The following FBXW11 variants were observed in gnomAD, a reference collection of about 807,000 sequenced individuals.
FBXW11 encodes F-box and WD repeat domain containing 11.
FBXW11 carries 19 observed loss-of-function variants against 77.6 expected under a neutral mutation model. The ratio of observed to expected loss-of-function variants is 0.24; its 90% CI spans 0.17 to 0.36. The LOEUF is 0.36. Among genes scored for constraint, FBXW11 ranks in the 10% least tolerant of loss-of-function variants. The pLI is 1.00. For synonymous variants in FBXW11, 235 were observed against 249.4 expected, an observed-to-expected ratio of 0.94 and a Z score of 0.54; for missense variants, 334 against 704.2, an observed-to-expected ratio of 0.47 and a Z score of 5.95.
In FBXW11 at chr5:171,947,962, A is replaced by T. The variant is rs1763101642; in HGVS notation, c.147+9635T>A. Among the ~76,000 whole-genome samples the T allele has an allele frequency of 2.0e-5, 3 of 152,144 alleles. No individual in the cohort carries two copies. The South Asian group carries it at 6.2e-4, about 32-fold the overall frequency. ...TTAAAAATAAAAATGTAGGCCAGGC[A>T]TGGTGGCTCACACCTATAATCCCAG... On this transcript the variant is annotated intron_variant, in intron 2 of 13. Coordinates refer to ENST00000517395, the MANE Select transcript of FBXW11 (RefSeq NM_001378974.1).
chr5:171,986,480 A>C (rs1316472476), intron 1 of FBXW11, among the ~76,000 whole-genome samples: 2 of 150,966 alleles, frequency 1.3e-5, no homozygotes, highest in Non-Finnish European at 2.9e-5. Flanking sequence ...TAATCCCAAC[A>C]CTTTGGGAGG....
chr5:171,864,963 C>CA (rs1281081433), intron 13 of FBXW11, among the ~76,000 whole-genome samples: 893 of 66,036 alleles, frequency 0.014, 8 homozygotes, highest in East Asian at 0.063. Context: ...CCTTAGGTGG[C>CA]AAAAAAAAAA....
At chr5:171,975,554 A>G (rs1764783917) in intron 1 of FBXW11, among the ~76,000 whole-genome samples, 1 of 152,214 alleles carries the variant, frequency 6.6e-6, no homozygotes, top group Non-Finnish European at 1.5e-5. Context: ...GTAAAAATGA[A>G]TAAGTAAAAT....
At chr5:171,981,998 C>T (rs942474863) in intron 1 of FBXW11, among the ~76,000 whole-genome samples, 4 of 151,950 alleles carry the variant, frequency 2.6e-5, no homozygotes, top group African/African-American at 9.7e-5. Flanking sequence ...TTATAGAAGG[C>T]AGGTTATTTA....
At chr5:171,964,149 A>G (rs750330448) in intron 1 of FBXW11, among the ~76,000 whole-genome samples, 2 of 152,222 alleles carry the variant, frequency 1.3e-5, no homozygotes, top group Non-Finnish European at 2.9e-5. Context: ...AAACAATGCA[A>G]TTTCTTTCAG....
intron 2 of FBXW11, among the ~76,000 whole-genome samples, chr5:171,916,097 G>T (rs1305280637): frequency 2.0e-5 from 3 of 151,684 alleles, no homozygotes; most frequent in African/African-American, 4.9e-5. Context: ...TCGTGGGGTG[G>T]GGGGAGGTGG....
At chr5:171,895,049 T>A (rs1220303627) in intron 6 of FBXW11, among the ~76,000 whole-genome samples, 1 of 152,130 alleles carries the variant, frequency 6.6e-6, no homozygotes, top group Non-Finnish European at 1.5e-5. Flanking sequence ...TCCCTAACCA[T>A]TCCCAGGAAG....
At chr5:171,985,053 A>T (rs1281884732) in intron 1 of FBXW11, among the ~76,000 whole-genome samples, 1 of 152,170 alleles carries the variant, frequency 6.6e-6, no homozygotes, top group Non-Finnish European at 1.5e-5. Flanking sequence ...ACAAACACAC[A>T]TATACGCACA....
intron 1 of FBXW11, among the ~76,000 whole-genome samples, chr5:171,985,751 C>T (rs1416453251): frequency 7.9e-5 from 12 of 151,998 alleles, no homozygotes; most frequent in Admixed American, 7.9e-4. Context: ...GTCTGGGGAA[C>T]AGAGCAAGAA....
At chr5:172,006,386 G>T in intron 1 of FBXW11, 72 bp downstream of exon 1, 1 of 1,364,396 alleles carries the variant, frequency 7.3e-7, no homozygotes, top group Non-Finnish European at 9.9e-7. Context: ...CCTCGCACCG[G>T]ACGTTGAGGT....
chr5:171,996,311 CA>C (rs1457249242), intron 1 of FBXW11, among the ~76,000 whole-genome samples: 1 of 152,170 alleles, frequency 6.6e-6, no homozygotes, highest in Non-Finnish European at 1.5e-5. Flanking sequence ...CCCTAAACAA[CA>C]TATGTCTCTG....
At chr5:171,865,444 G>A (rs746372338) in intron 13 of FBXW11, among the ~76,000 whole-genome samples, 1 of 152,136 alleles carries the variant, frequency 6.6e-6, no homozygotes, top group Non-Finnish European at 1.5e-5. Context: ...GGGTTGGGGA[G>A]GATAAATATG....
At position 172,006,134 on chromosome 5, in the gene FBXW11, A is replaced by G. The variant is rs1399625923; in HGVS notation, c.45+324T>C. Among the ~76,000 whole-genome samples the G allele has an allele frequency of 2.7e-5, 4 of 150,606 alleles. No individual in the cohort carries two copies. The South Asian group carries it at 8.3e-4, about 31-fold the overall frequency. Reference sequence around the variant, plus strand: ...AGAAAAAAAAATCCCTTTCTAAAAGAAGGAGAATGGGGTGCTAGAGCGAGT... The same window carrying G: ...AGAAAAAAAAATCCCTTTCTAAAAGGAGGAGAATGGGGTGCTAGAGCGAGT... On this transcript the variant is annotated intron_variant, in intron 1 of 13. Coordinates refer to ENST00000517395, the MANE Select transcript of FBXW11 (RefSeq NM_001378974.1).
At chr5:171,964,715 T>G (rs968890320) in intron 1 of FBXW11, among the ~76,000 whole-genome samples, 1 of 152,224 alleles carries the variant, frequency 6.6e-6, no homozygotes, top group Non-Finnish European at 1.5e-5. Context: ...TGCATTGTTT[T>G]TAAAACCAAG....
rs115143409 is a variant in FBXW11 at position 171,903,053 on chromosome 5, C to A, written c.437-2953G>T. 7.7e-3 allele frequency among the ~76,000 whole-genome samples: 1,166 copies of A among 152,274 alleles called. 16 individuals are homozygous for A. The highest frequency in any genetic ancestry group is 0.014 in the Middle Eastern group (4 of 294). ...TGTTTTCAACTCTTTCAATTTACTT[C>A]AACATTTTGGACAATTTAACATTAT... is the stretch of plus-strand genomic sequence containing the variant. On this transcript the variant is annotated intron_variant, in intron 4 of 13. Transcript: ENST00000517395.
intron 1 of FBXW11, among the ~76,000 whole-genome samples, chr5:171,967,871 TATATATATATATAC>T (rs796783875): frequency 0.27 from 29,571 of 110,042 alleles, 3,476 homozygotes; most frequent in Admixed American, 0.32. Context: ...TATATATATA[TATATATATATATAC>T]ACACACACAC....
intron 2 of FBXW11, among the ~76,000 whole-genome samples, chr5:171,942,090 T>C (rs1215490403): frequency 6.6e-6 from 1 of 151,534 alleles, no homozygotes; most frequent in East Asian, 1.9e-4. Flanking sequence ...ACAGAACCTT[T>C]TGTTTCTCAA....
intron 10 of FBXW11, among the ~76,000 whole-genome samples, chr5:171,871,849 C>A (rs1217968201): frequency 6.6e-6 from 1 of 152,212 alleles, no homozygotes; most frequent in Non-Finnish European, 1.5e-5. Flanking sequence ...AGTACTGCCA[C>A]TATGACTCCA....
chr5:171,936,617 C>T (rs1356037968), intron 2 of FBXW11, among the ~76,000 whole-genome samples: 4 of 151,536 alleles, frequency 2.6e-5, no homozygotes, highest in African/African-American at 9.7e-5. Flanking sequence ...GAAAGCACAT[C>T]ATGAACAGAA....
Sources: allele counts gnomAD v4.1 joint callset (sites outside exome capture counted in the v4.1 genomes callset), GRCh38; gene constraint gnomAD v4.1.1; transcripts MANE v1.5; gene names NCBI Gene and HGNC (gene_info 2026-07-23, HGNC 2026-07-21).